BBX: variants seen among roughly 807,000 people sequenced by gnomAD.
The protein encoded by BBX is BBX high mobility group box domain containing, also known as HMG box transcription factor BBX.
BBX carries 30 observed loss-of-function variants against 100.2 expected under a neutral mutation model. That is an observed-to-expected ratio of 0.30 (90% CI 0.22 to 0.41). BBX has a LOEUF of 0.41. Among genes scored for constraint, BBX ranks in the 10% least tolerant of loss-of-function variants. BBX has a pLI of 1.00. For missense variants in BBX, 1,023 were observed against 1,129.8 expected, an observed-to-expected ratio of 0.91 and a Z score of 1.35; for synonymous variants, 376 against 388.1, an observed-to-expected ratio of 0.97 and a Z score of 0.37.
At chr3:107,574,493 G>A (rs991285752) in intron 2 of BBX, among the ~76,000 whole-genome samples, 2 of 152,060 alleles carry the variant, frequency 1.3e-5, no homozygotes, top group African/African-American at 4.8e-5. Flanking sequence ...TGAAGAAGAG[G>A]GATCATGTTA....
chr3:107,722,474 A>G (rs752768036), intron 5 of BBX, among the ~76,000 whole-genome samples: 34 of 152,164 alleles, frequency 2.2e-4, no homozygotes, highest in Non-Finnish European at 4.6e-4. Context: ...GAGTAAAATT[A>G]TACTTGTAAA....
At chr3:107,708,764 A>C (rs1266340181) in intron 3 of BBX, among the ~76,000 whole-genome samples, 3 of 152,180 alleles carry the variant, frequency 2.0e-5, no homozygotes, top group Non-Finnish European at 4.4e-5. Flanking sequence ...TTGTAGCATA[A>C]TAATCTTTTC....
chr3:107,617,183 A>T (rs537252828), intron 2 of BBX, among the ~76,000 whole-genome samples: 88 of 152,152 alleles, frequency 5.8e-4, no homozygotes, highest in Non-Finnish European at 9.0e-4. Flanking sequence ...GACCTGGGTT[A>T]AAAAGAAGGC....
chr3:107,790,482 G>A (rs527779482), intron 14 of BBX, among the ~76,000 whole-genome samples: 2 of 152,128 alleles, frequency 1.3e-5, no homozygotes, highest in Admixed American at 1.3e-4. Context: ...CTCTTTACTC[G>A]GAACGTCTGT....
At chr3:107,755,505 G>T in intron 9 of BBX, 93 bp from the exon 10 acceptor site, 1 of 1,119,476 alleles carries the variant, frequency 8.9e-7, no homozygotes, top group Non-Finnish European at 1.3e-6. Context: ...TGATACTCTC[G>T]TAACTAAGAA....
intron 2 of BBX, among the ~76,000 whole-genome samples, chr3:107,556,433 T>C (rs1235850312): frequency 7.9e-5 from 12 of 152,196 alleles, no homozygotes; most frequent in Non-Finnish European, 1.8e-4. Context: ...AAGCAAACTT[T>C]CAGAGCCCTT....
chr3:107,633,296 A>G (rs1474091539), intron 2 of BBX, among the ~76,000 whole-genome samples: 2 of 152,076 alleles, frequency 1.3e-5, no homozygotes, highest in Non-Finnish European at 2.9e-5. Context: ...CTAAATATAT[A>G]ATAGTTGAAT....
In BBX at chr3:107,805,850, CAAAA is replaced by C. The variant is rs371126502; in HGVS notation, c.*400_*403del. The C allele has an allele frequency of 5.4e-6, 1 of 184,488 alleles. No homozygotes were observed. The highest frequency in any genetic ancestry group is 1.1e-5 in the Non-Finnish European group (1 of 92,554). The allele number at this position is 184,488 out of a possible 1,614,324, so 11.4% of individuals were successfully genotyped here. A position where few individuals can be genotyped will look rare whatever the true frequency, so the allele number is the denominator to read the frequency against. ...ACCTAGTTATTCTTTCAAAACAAAA[CAAAA>C]AAAAAACAAAAACTGACGCACTGCA... On this transcript the variant is annotated 3_prime_UTR_variant, in exon 18 of 18. Coordinates refer to ENST00000325805, the MANE Select transcript of BBX (RefSeq NM_001142568.3).
intron 3 of BBX, among the ~76,000 whole-genome samples, chr3:107,661,056 T>TAAA (rs1407327117): frequency 3.9e-5 from 6 of 152,170 alleles, no homozygotes; most frequent in African/African-American, 1.4e-4. Flanking sequence ...ATAAACTAAT[T>TAAA]CTAGCCCTTT....
intron 1 of BBX, among the ~76,000 whole-genome samples, chr3:107,524,811 G>C (rs1346728614): frequency 1.4e-5 from 2 of 142,072 alleles, no homozygotes; most frequent in African/African-American, 5.1e-5. Flanking sequence ...GTGGGGGGGG[G>C]GGCGAAGGGG....
chr3:107,700,858 G>A (rs1477560930), intron 3 of BBX, among the ~76,000 whole-genome samples: 1 of 151,716 alleles, frequency 6.6e-6, no homozygotes, highest in Non-Finnish European at 1.5e-5. Flanking sequence ...CATTTGGGTT[G>A]GTTCCAAGTC....
chr3:107,770,361 C>G (rs2066804045), intron 10 of BBX, among the ~76,000 whole-genome samples: 2 of 152,124 alleles, frequency 1.3e-5, no homozygotes, highest in Admixed American at 1.3e-4. Flanking sequence ...GCTGAAAAAT[C>G]ATAAAATTTA....
intron 1 of BBX, among the ~76,000 whole-genome samples, chr3:107,525,013 G>C (rs2047649371): frequency 6.6e-6 from 1 of 150,946 alleles, no homozygotes; most frequent in Admixed American, 6.6e-5. Flanking sequence ...CGCGCGGGGA[G>C]GGGCGTTCTT....
chr3:107,805,236 G>A, intron 17 of BBX, 134 bp from the exon 18 acceptor site: 4 of 1,051,978 alleles, frequency 3.8e-6, no homozygotes, highest in Non-Finnish European at 5.4e-6. Flanking sequence ...AGCAAAAACA[G>A]TTTTCATTAA....
chr3:107,532,042 C>T (rs1465419640), intron 2 of BBX, among the ~76,000 whole-genome samples: 2 of 151,832 alleles, frequency 1.3e-5, no homozygotes, highest in Non-Finnish European at 2.9e-5. Flanking sequence ...AAAATAAAAA[C>T]AAATTAGCTG....
At chr3:107,594,256 G>T (rs1199796967) in intron 2 of BBX, among the ~76,000 whole-genome samples, 1 of 152,058 alleles carries the variant, frequency 6.6e-6, no homozygotes, top group Admixed American at 6.6e-5. Flanking sequence ...CACGTTCACA[G>T]TTGCAGGCCT....
At chr3:107,755,527 T>G in intron 9 of BBX, 71 bp from the exon 10 acceptor site, 1 of 1,348,654 alleles carries the variant, frequency 7.4e-7, no homozygotes, top group South Asian at 1.2e-5. Flanking sequence ...AATTCCTGAA[T>G]GTATATGAAT....
chr3:107,796,518 T>C (rs1307488901), intron 15 of BBX, among the ~76,000 whole-genome samples: 1 of 152,222 alleles, frequency 6.6e-6, no homozygotes, highest in African/African-American at 2.4e-5. Flanking sequence ...AGCTGATGGA[T>C]CTGGATAAGA....
intron 10 of BBX, among the ~76,000 whole-genome samples, chr3:107,770,211 A>G (rs539518092): frequency 6.6e-6 from 1 of 152,320 alleles, no homozygotes; most frequent in Non-Finnish European, 1.5e-5. Flanking sequence ...ATTGAAGCCT[A>G]GAATAGAGTT....
Sources: allele counts gnomAD v4.1 joint callset (sites outside exome capture counted in the v4.1 genomes callset), GRCh38; gene constraint gnomAD v4.1.1; transcripts MANE v1.5; gene names NCBI Gene and HGNC (gene_info 2026-07-23, HGNC 2026-07-21).